The following DCAF8L2 variants were observed in gnomAD, a reference collection of about 807,000 sequenced individuals.
DCAF8L2 encodes the protein DDB1- and CUL4-associated factor 8-like protein 2.
For missense variants in DCAF8L2, 430 were observed against 490.7 expected, an observed-to-expected ratio of 0.88 and a Z score of 1.17; for synonymous variants, 200 against 190.9, an observed-to-expected ratio of 1.05 and a Z score of -0.39.
At chrX:27,502,359 T>A in the DCAF8L2 span, among the ~76,000 whole-genome samples, 55 of 64,726 alleles carry the variant, frequency 8.5e-4, 2 homozygotes, top group East Asian at 7.1e-3. Flanking sequence ...TATATATATA[T>A]ATATATATAT....
At chrX:27,635,180 T>A (rs763047772) in intron 2 of DCAF8L2, among the ~76,000 whole-genome samples, 1 of 111,796 alleles carries the variant, frequency 8.9e-6, no homozygotes, top group African/African-American at 3.2e-5. Flanking sequence ...GATTTTTAAT[T>A]ATTTTTACCT....
At chrX:27,639,548 T>G (rs951082167) in intron 2 of DCAF8L2, among the ~76,000 whole-genome samples, 1 of 111,920 alleles carries the variant, frequency 8.9e-6, no homozygotes, top group African/African-American at 3.2e-5. Flanking sequence ...AAATATCTCA[T>G]GTACTCCATA....
chrX:27,675,129 G>C (rs1930097615), intron 2 of DCAF8L2, among the ~76,000 whole-genome samples: 1 of 111,795 alleles, frequency 8.9e-6, no homozygotes, highest in Admixed American at 9.6e-5. Flanking sequence ...TTTAGTAAAT[G>C]TAATGGTTAG....
the DCAF8L2 span, among the ~76,000 whole-genome samples, chrX:27,485,877 A>T: frequency 2.8e-5 from 3 of 108,163 alleles, no homozygotes; most frequent in African/African-American, 1.0e-4. Context: ...TGACAGTAGG[A>T]TAAACCCTCC....
intron 1 of DCAF8L2, among the ~76,000 whole-genome samples, chrX:27,619,320 T>C (rs1467486669): frequency 1.8e-5 from 2 of 110,856 alleles, no homozygotes; most frequent in Non-Finnish European, 1.9e-5. Context: ...ATAGAAACCG[T>C]TTCTCTATAA....
the DCAF8L2 span, among the ~76,000 whole-genome samples, chrX:27,501,976 A>C: frequency 9.1e-6 from 1 of 109,840 alleles, no homozygotes; most frequent in Admixed American, 9.8e-5. Context: ...TAAATATGTG[A>C]AAGAGCATGA....
intron 4 of DCAF8L2, among the ~76,000 whole-genome samples, chrX:27,741,153 T>C (rs1254694019): frequency 8.9e-6 from 1 of 112,145 alleles, no homozygotes; most frequent in Non-Finnish European, 1.9e-5. Flanking sequence ...GAAAAGCAGA[T>C]TGATAAAATA....
At chrX:27,729,608 G>A (rs1192113026) in intron 4 of DCAF8L2, among the ~76,000 whole-genome samples, 1 of 111,992 alleles carries the variant, frequency 8.9e-6, no homozygotes, top group African/African-American at 3.2e-5. Context: ...TCAGTGTCTG[G>A]TAAGGCCTGC....
At chrX:27,505,616 T>A in the DCAF8L2 span, among the ~76,000 whole-genome samples, 2 of 111,644 alleles carry the variant, frequency 1.8e-5, no homozygotes, top group Non-Finnish European at 3.8e-5. Context: ...GGTACTCATA[T>A]CCCTGTGCAA....
chrX:27,480,316 G>T, the DCAF8L2 span, among the ~76,000 whole-genome samples: 1 of 112,095 alleles, frequency 8.9e-6, no homozygotes, highest in Non-Finnish European at 1.9e-5. Flanking sequence ...GCATATAAGT[G>T]GGTGTGCCAG....
At chrX:27,694,454 A>C (rs764763450) in intron 3 of DCAF8L2, among the ~76,000 whole-genome samples, 3 of 111,229 alleles carry the variant, frequency 2.7e-5, no homozygotes, top group African/African-American at 9.8e-5. Flanking sequence ...AAAAATATTA[A>C]CATTTCTATC....
At chrX:27,680,594 A>AT (rs894985536) in intron 3 of DCAF8L2, among the ~76,000 whole-genome samples, 38 of 108,652 alleles carry the variant, frequency 3.5e-4, no homozygotes, top group Non-Finnish European at 4.6e-4. Context: ...CCCTTTCTCT[A>AT]TTTTTTTTTG....
the DCAF8L2 span, among the ~76,000 whole-genome samples, chrX:27,564,094 A>G: frequency 2.9e-4 from 33 of 111,916 alleles, no homozygotes; most frequent in Non-Finnish European, 5.3e-4. Context: ...AGAGGTTTAA[A>G]TGACTCACAG....
intron 4 of DCAF8L2, among the ~76,000 whole-genome samples, chrX:27,737,582 C>T (rs1921601995): frequency 8.9e-6 from 1 of 111,970 alleles, no homozygotes; most frequent in South Asian, 3.7e-4. Context: ...CCAATCTAAA[C>T]ACTATGTCTA....
Position 27,749,221 on chromosome X carries a change from A to G in DCAF8L2, c.*430A>G, listed in dbSNP as rs1922445752. Among the ~76,000 whole-genome samples the G allele has an allele frequency of 8.9e-6, 1 of 111,917 alleles. No individual in the cohort carries two copies. The highest frequency in any genetic ancestry group is 3.2e-5 in the African/African-American group (1 of 30,809). On this transcript the variant is annotated 3_prime_UTR_variant, in exon 5 of 5. Transcript: ENST00000451261. ...CTTTAACAATTTTTTCTGAAGATCG[A>G]GTTCCTCAGTTGACCTGAAAATTTC...
At chrX:27,512,986 C>T in the DCAF8L2 span, among the ~76,000 whole-genome samples, 3 of 110,367 alleles carry the variant, frequency 2.7e-5, no homozygotes, top group African/African-American at 9.9e-5. Context: ...CAATAACAGA[C>T]ATGGAGGAAA....
chrX:27,610,005 C>A (rs1927083232), intron 1 of DCAF8L2, among the ~76,000 whole-genome samples: 1 of 111,809 alleles, frequency 8.9e-6, no homozygotes, highest in Admixed American at 9.6e-5. Flanking sequence ...AGATAATGCA[C>A]CATTAAAATG....
intron 2 of DCAF8L2, among the ~76,000 whole-genome samples, chrX:27,646,669 G>A (rs906785396): frequency 9.0e-6 from 1 of 111,014 alleles, no homozygotes; most frequent in Non-Finnish European, 1.9e-5. Context: ...TCTGAAAAAT[G>A]TTTAATATCC....
In DCAF8L2 at chrX:27,723,773, T is replaced by C. The variant is rs777687564; in HGVS notation, c.-59+7602T>C. Among the ~76,000 whole-genome samples the C allele has an allele frequency of 1.9e-3, 212 of 111,482 alleles. 1 individual carries two copies. Among genetic ancestry groups the C allele is most frequent in the African/African-American group, 6.6e-3 (203 of 30,880 alleles). On this transcript the variant is annotated intron_variant, in intron 4 of 4. Coordinates refer to ENST00000451261, the MANE Select transcript of DCAF8L2 (RefSeq NM_001353450.2). ...AATGATATATGAACAGGATTACTCA[T>C]TGAGACACTGTAATAGTAAACAACT...
Sources: allele counts gnomAD v4.1 joint callset (sites outside exome capture counted in the v4.1 genomes callset), GRCh38; gene constraint gnomAD v4.1.1; transcripts MANE v1.5; gene names NCBI Gene and HGNC (gene_info 2026-07-23, HGNC 2026-07-21).